CLEC20A: variants seen among roughly 807,000 people sequenced by gnomAD.
CLEC20A encodes C-type lectin domain containing 20A.
At chr1:178,483,029 A>G in intron 6 of CLEC20A, 146 bp downstream of exon 6, 1 of 395,144 alleles carries the variant, frequency 2.5e-6, no homozygotes, top group Admixed American at 4.4e-5. Flanking sequence ...ATAAACTAGA[A>G]TCCACCTCTT....
chr1:178,486,422 G>A (rs1649145537), intron 5 of CLEC20A: 1 of 398,732 alleles, frequency 2.5e-6, no homozygotes, highest in Non-Finnish European at 4.4e-6. Flanking sequence ...TTCCAGCGAC[G>A]CAGACAGGCA....
chr1:178,497,735 TG>T (rs1649434803), upstream of CLEC20A, among the ~76,000 whole-genome samples: 1 of 152,198 alleles, frequency 6.6e-6, no homozygotes, highest in African/African-American at 2.4e-5. Flanking sequence ...ATCTGCCTTT[TG>T]CAAGTTGATT....
chr1:178,490,480 G>C, intron 3 of CLEC20A, 43 bp from the exon 4 acceptor site: 1 of 398,504 alleles, frequency 2.5e-6, no homozygotes, highest in East Asian at 3.6e-5. Flanking sequence ...GAGGGCCTGG[G>C]TCTCTGACAG....
chr1:178,495,407 A>G (rs1649363564), intron 1 of CLEC20A, among the ~76,000 whole-genome samples: 1 of 152,198 alleles, frequency 6.6e-6, no homozygotes, highest in South Asian at 2.1e-4. Context: ...TGGGGCTCAT[A>G]ACCAGAGCTG....
At chr1:178,497,473 GA>G (rs755124999), upstream of CLEC20A, among the ~76,000 whole-genome samples, 2 of 152,340 alleles carry the variant, frequency 1.3e-5, no homozygotes, top group African/African-American at 2.4e-5. Flanking sequence ...TCCACGCCCA[GA>G]AGGAAGGACT....
At chr1:178,494,038 C>A (rs1649330673) in intron 2 of CLEC20A, among the ~76,000 whole-genome samples, 1 of 152,160 alleles carries the variant, frequency 6.6e-6, no homozygotes, top group African/African-American at 2.4e-5. Context: ...AAGTCATGAC[C>A]AGTTATCCTC....
At chr1:178,494,692 A>C (rs554196884) in exon 2 of CLEC20A, 1 of 399,238 alleles carries the variant, frequency 2.5e-6, no homozygotes, top group South Asian at 1.3e-4. Flanking sequence ...TCCACAGGCC[A>C]CTTGGCTGCA....
At chr1:178,485,489 C>G (rs962174793) in intron 5 of CLEC20A, among the ~76,000 whole-genome samples, 1 of 152,232 alleles carries the variant, frequency 6.6e-6, no homozygotes, top group Admixed American at 6.5e-5. Flanking sequence ...ACTTTCTGTA[C>G]TTTTCTGCCA....
At chr1:178,489,956 T>C (rs1649233545) in intron 4 of CLEC20A, 116 bp downstream of exon 4, 1 of 397,402 alleles carries the variant, frequency 2.5e-6, no homozygotes, top group Non-Finnish European at 4.4e-6. Context: ...CCCCTCAGAG[T>C]CTGGAAGTGC....
chr1:178,497,006 G>C (rs1649414067), upstream of CLEC20A: 1 of 399,112 alleles, frequency 2.5e-6, no homozygotes, highest in Non-Finnish European at 4.4e-6. Context: ...GGAGCTGGCG[G>C]GGACTGTAGA....
At chr1:178,482,068 A>G (rs1486119307) in intron 7 of CLEC20A, 2 of 331,170 alleles carry the variant, frequency 6.0e-6, no homozygotes, top group African/African-American at 5.1e-5. Context: ...CTTGACCAAA[A>G]AAAAACAAAA....
chr1:178,489,518 A>G (rs1179118923), intron 4 of CLEC20A, among the ~76,000 whole-genome samples: 1 of 152,186 alleles, frequency 6.6e-6, no homozygotes, highest in Non-Finnish European at 1.5e-5. Flanking sequence ...CCCATCACAC[A>G]GGATGTGGGC....
At chr1:178,490,844 CG>C (rs890859314) in intron 3 of CLEC20A, among the ~76,000 whole-genome samples, 4 of 152,190 alleles carry the variant, frequency 2.6e-5, no homozygotes, top group African/African-American at 9.7e-5. Context: ...GTGACCATTT[CG>C]GGGGAGATTA....
upstream of CLEC20A, among the ~76,000 whole-genome samples, chr1:178,498,915 C>G (rs1338352306): frequency 6.6e-6 from 1 of 152,216 alleles, no homozygotes; most frequent in African/African-American, 2.4e-5. Context: ...ACAGTATTCT[C>G]TCGTGCAGCA....
At chr1:178,499,210 G>A (rs1649470077), upstream of CLEC20A, among the ~76,000 whole-genome samples, 1 of 152,202 alleles carries the variant, frequency 6.6e-6, no homozygotes, top group African/African-American at 2.4e-5. Context: ...TTGAGAGCAC[G>A]GACTGTGCCA....
intron 5 of CLEC20A, 127 bp downstream of exon 5, chr1:178,488,374 C>T (rs1649198291): frequency 5.0e-6 from 2 of 396,394 alleles, no homozygotes; most frequent in South Asian, 1.4e-4. Flanking sequence ...CTGCCACCCC[C>T]TTAGCTCACC....
intron 5 of CLEC20A, chr1:178,484,375 G>A (rs1426155585): frequency 1.3e-5 from 2 of 152,098 alleles, no homozygotes; most frequent in African/African-American, 4.8e-5. Flanking sequence ...ACACTGTTAA[G>A]TACAAAAATA....
chr1:178,489,188 C>G (rs1373514758), intron 4 of CLEC20A, among the ~76,000 whole-genome samples: 1 of 152,022 alleles, frequency 6.6e-6, no homozygotes, highest in South Asian at 2.1e-4. Context: ...CATGGCAAAA[C>G]CCCGTCTCTA....
chr1:178,492,419 T>G (rs1240883036), intron 3 of CLEC20A, 82 bp downstream of exon 3: 1 of 398,198 alleles, frequency 2.5e-6, no homozygotes. Flanking sequence ...GGGGTGGAGA[T>G]CCTGCTGGCT....
Sources: allele counts gnomAD v4.1 joint callset (sites outside exome capture counted in the v4.1 genomes callset), GRCh38; gene constraint gnomAD v4.1.1; transcripts MANE v1.5; gene names NCBI Gene and HGNC (gene_info 2026-07-23, HGNC 2026-07-21).